WDR35: variants seen among roughly 807,000 people sequenced by gnomAD.
WDR35 encodes WD repeat-containing protein 35.
WDR35 carries 118 observed loss-of-function variants against 158.3 expected under a neutral mutation model. The ratio of observed to expected loss-of-function variants is 0.75; its 90% CI spans 0.64 to 0.87. WDR35 has a LOEUF of 0.87. Ranked by LOEUF, WDR35 falls within the 40% of genes least tolerant of loss-of-function variation. The pLI, the probability that WDR35 is intolerant of heterozygous loss-of-function variation, is 0.00. For missense variants in WDR35, 1,263 were observed against 1,405.8 expected (o/e 0.90, Z 1.62); for synonymous variants, 448 against 476.1 (o/e 0.94, Z 0.77).
chr2:19,960,093 G>A (rs539588311), intron 11 of WDR35, among the ~76,000 whole-genome samples: 50 of 152,116 alleles, frequency 3.3e-4, no homozygotes, highest in Middle Eastern at 3.4e-3. Context: ...AATCTGGAAA[G>A]GGCAAACTCA....
At chr2:19,938,979 G>C (rs1245791294) in intron 17 of WDR35, among the ~76,000 whole-genome samples, 1 of 152,044 alleles carries the variant, frequency 6.6e-6, no homozygotes, top group African/African-American at 2.4e-5. Context: ...ATGAACTTTA[G>C]GTAAATCATT....
At chr2:19,969,747 A>AT in intron 8 of WDR35, 142 bp from the exon 9 acceptor site, 4 of 888,158 alleles carry the variant, frequency 4.5e-6, no homozygotes, top group South Asian at 1.8e-5. Context: ...ATGTTTCTTG[A>AT]ATTTTTTTTT....
At chr2:19,962,368 A>T (rs1054077028) in intron 10 of WDR35, 2 of 1,609,040 alleles carry the variant, frequency 1.2e-6, no homozygotes, top group African/African-American at 1.3e-5. Flanking sequence ...ATTCAGAAAA[A>T]TTCAGTTAAC....
In WDR35 at chr2:19,948,154, C is replaced by A. The variant is rs1386031863; in HGVS notation, c.1524+10G>T. 1 of 1,602,690 alleles carries A rather than the reference C, an allele frequency of 6.2e-7. No homozygotes were observed. The highest frequency in any genetic ancestry group is 8.5e-7 in the Non-Finnish European group (1 of 1,174,732). On this transcript the variant is annotated intron_variant, in intron 14 of 26. Coordinates refer to ENST00000281405, the MANE Select transcript of WDR35 (RefSeq NM_020779.4). ...TTATTATTCATAAAATAAGTTTTTGCAAAACTTACCACAATCAATATCTTA... is the reference window on the plus strand; with the variant it reads ...TTATTATTCATAAAATAAGTTTTTGAAAAACTTACCACAATCAATATCTTA...
Position 19,960,579 on chromosome 2 carries a change from G to C in WDR35, c.1230C>G (p.Pro410=), listed in dbSNP as rs754041212. The C allele has an allele frequency of 6.8e-6, 11 of 1,609,008 alleles. No individual in the cohort carries two copies. Among genetic ancestry groups the C allele is most frequent in the Non-Finnish European group, 8.5e-6 (10 of 1,176,586 alleles). The part of the protein sequence containing the change: ...VLVLCNSIGT[P]LDPKYIDIVP... ...CAATATCAATGTATTTGGGATCCAA[G>C]GGTGTACCAATAGAATTACAAAGAA... is the stretch of plus-strand genomic sequence containing the variant. Residue 410 remains proline, a synonymous_variant, in exon 11 of 27, where the codon CCC becomes CCG. Coordinates refer to ENST00000281405, the MANE Select transcript of WDR35 (RefSeq NM_020779.4).
At chr2:19,947,461 T>C (rs1410801637) in intron 14 of WDR35, among the ~76,000 whole-genome samples, 3 of 152,212 alleles carry the variant, frequency 2.0e-5, no homozygotes, top group Non-Finnish European at 4.4e-5. Flanking sequence ...TCAAATGCAA[T>C]AACCCCAGCA....
At chr2:19,970,631 T>C (rs1672009106) in intron 8 of WDR35, among the ~76,000 whole-genome samples, 1 of 152,220 alleles carries the variant, frequency 6.6e-6, no homozygotes, top group Non-Finnish European at 1.5e-5. Flanking sequence ...AATGCCTTTT[T>C]CCCATCTTGT....
chr2:19,918,117 C>G (rs1336074575), intron 25 of WDR35, among the ~76,000 whole-genome samples: 3 of 152,138 alleles, frequency 2.0e-5, no homozygotes. Context: ...AATTTTCAAC[C>G]CAGAATTTCA....
At chr2:19,927,210 T>A (rs1285303784) in intron 25 of WDR35, among the ~76,000 whole-genome samples, 2 of 152,332 alleles carry the variant, frequency 1.3e-5, no homozygotes, top group East Asian at 3.9e-4. Flanking sequence ...AATCACTCTA[T>A]GATGCTGTTA....
At chr2:19,932,084 T>C (rs1670542939) in intron 23 of WDR35, among the ~76,000 whole-genome samples, 199 bp downstream of exon 23, 1 of 152,132 alleles carries the variant, frequency 6.6e-6, no homozygotes, top group Non-Finnish European at 1.5e-5. Context: ...GTTTAGGTAT[T>C]AGTAAGTTGC....
intron 25 of WDR35, among the ~76,000 whole-genome samples, chr2:19,928,443 C>CTG (rs2103393751): frequency 6.6e-6 from 1 of 152,302 alleles, no homozygotes; most frequent in East Asian, 1.9e-4. Flanking sequence ...CTCTATATTT[C>CTG]TGTGTGTGTG....
At chr2:19,918,814 C>T (rs893271982) in intron 25 of WDR35, among the ~76,000 whole-genome samples, 4 of 152,078 alleles carry the variant, frequency 2.6e-5, no homozygotes, top group East Asian at 1.9e-4. Flanking sequence ...TTCAACACCC[C>T]GTTGTCAATA....
intron 10 of WDR35, among the ~76,000 whole-genome samples, chr2:19,966,000 T>C (rs1572354266): frequency 6.6e-6 from 1 of 152,340 alleles, no homozygotes. Flanking sequence ...CTACAAAATG[T>C]TGTTGCCATT....
intron 25 of WDR35, among the ~76,000 whole-genome samples, chr2:19,925,869 C>T (rs773882597): frequency 5.9e-5 from 9 of 152,118 alleles, no homozygotes; most frequent in Non-Finnish European, 8.8e-5. Flanking sequence ...ACAAAGTTCC[C>T]GCCAAAGATT....
intron 13 of WDR35, among the ~76,000 whole-genome samples, chr2:19,949,645 G>A (rs866389088): frequency 2.7e-4 from 41 of 152,194 alleles, no homozygotes; most frequent in African/African-American, 9.4e-4. Flanking sequence ...GGAGAACAAA[G>A]ACACACAGTA....
intron 18 of WDR35, 122 bp from the exon 19 acceptor site, chr2:19,938,068 CAT>C (rs2103405752): frequency 7.3e-7 from 1 of 1,362,028 alleles, no homozygotes; most frequent in Admixed American, 2.1e-5. Flanking sequence ...TGGAAAGTAA[CAT>C]ATGCAAACAT....
intron 2 of WDR35, among the ~76,000 whole-genome samples, chr2:19,985,721 TAA>T (rs34506610): frequency 1.3e-4 from 17 of 131,522 alleles, no homozygotes; most frequent in African/African-American, 2.2e-4. Flanking sequence ...CCGTCTCTAC[TAA>T]AAAAAAAAAA....
chr2:19,941,678 C>T, intron 17 of WDR35, 81 bp downstream of exon 17: 2 of 1,064,136 alleles, frequency 1.9e-6, no homozygotes, highest in Non-Finnish European at 1.4e-6. Context: ...GTCCACACTG[C>T]TAACCAGGAT....
At chr2:19,946,364 G>C (rs1390701962) in intron 15 of WDR35, 97 bp downstream of exon 15, 5 of 1,029,348 alleles carry the variant, frequency 4.9e-6, no homozygotes, top group Middle Eastern at 4.1e-4. Context: ...GTTCATAATA[G>C]ACACGCCCAT....
Sources: gnomAD v4.1 joint callset for allele counts (sites outside exome capture counted in the v4.1 genomes callset) on GRCh38, gnomAD v4.1.1 for gene constraint, MANE v1.5 for transcripts, NCBI Gene and HGNC (gene_info 2026-07-23, HGNC 2026-07-21) for gene names.